The following FBXO40 variants were observed in gnomAD, a reference collection of about 807,000 sequenced individuals.
FBXO40 encodes F-box only protein 40.
FBXO40 carries 50 observed loss-of-function variants against 49.9 expected under a neutral mutation model. The observed-to-expected ratio is 1.00, with a 90% CI of 0.80 to 1.27. FBXO40 has a LOEUF of 1.27. Ranked by LOEUF, FBXO40 falls within the 50% of genes most tolerant of loss-of-function variation. FBXO40 has a pLI of 0.00. For synonymous variants in FBXO40, 340 were observed against 320.2 expected (o/e 1.06, Z -0.66); for missense variants, 895 against 870.1 (o/e 1.03, Z -0.36).
chr3:121,609,355 T>C (rs1452410579), intron 1 of FBXO40, among the ~76,000 whole-genome samples: 1 of 151,524 alleles, frequency 6.6e-6, no homozygotes, highest in African/African-American at 2.4e-5. Context: ...ACGGTAGTAT[T>C]ATCTGAGTTC....
chr3:121,618,964 G>A (rs2049014700), intron 1 of FBXO40, among the ~76,000 whole-genome samples: 1 of 150,442 alleles, frequency 6.6e-6, no homozygotes, highest in African/African-American at 2.5e-5. Flanking sequence ...CAATGAATTG[G>A]CAAATTCTAA....
intron 1 of FBXO40, among the ~76,000 whole-genome samples, chr3:121,605,792 G>T (rs1182835383): frequency 2.6e-5 from 4 of 152,174 alleles, no homozygotes; most frequent in African/African-American, 9.7e-5. Context: ...AGACATCTGT[G>T]CTTTTGTCCA....
chr3:121,627,832 A>G lies in FBXO40; in HGVS notation c.*922A>G, dbSNP rs1289992282. The stretch of plus-strand genomic sequence containing the variant: ...AGCGTCATGCCAGAATGCACAGGGC[A>G]GCCCAGGGAGATCACACCTTTGGCA... On this transcript the variant is annotated 3_prime_UTR_variant, in exon 4 of 4. Coordinates refer to ENST00000338040, the MANE Select transcript of FBXO40 (RefSeq NM_016298.4). 7.5e-6 allele frequency: 3 copies of G among 398,672 alleles called. No individual in the cohort carries two copies. Among genetic ancestry groups the G allele is most frequent in the East Asian group, 7.1e-5 (2 of 28,070 alleles). The allele number at this position is 398,672 out of a possible 1,614,324, so 24.7% of individuals were successfully genotyped here.
chr3:121,603,711 A>C (rs543451833), intron 1 of FBXO40, among the ~76,000 whole-genome samples: 1 of 151,678 alleles, frequency 6.6e-6, no homozygotes, highest in East Asian at 1.9e-4. Flanking sequence ...TTTTTATTTT[A>C]TTTTATTTTT....
chr3:121,598,574 T>C (rs1433203511), intron 1 of FBXO40, among the ~76,000 whole-genome samples: 3 of 152,198 alleles, frequency 2.0e-5, no homozygotes, highest in African/African-American at 7.2e-5. Flanking sequence ...AAGGACCTGG[T>C]GTGTGAACTG....
intron 3 of FBXO40, among the ~76,000 whole-genome samples, chr3:121,626,389 A>G (rs1331376784): frequency 3.3e-5 from 5 of 152,162 alleles, no homozygotes; most frequent in African/African-American, 1.2e-4. Context: ...TTCTGATTTG[A>G]ACTGTGCATC....
At chr3:121,615,121 C>T (rs2048990080) in intron 1 of FBXO40, among the ~76,000 whole-genome samples, 1 of 139,628 alleles carries the variant, frequency 7.2e-6, no homozygotes, top group South Asian at 2.2e-4. Flanking sequence ...AGGAGAATCG[C>T]TTGAATCTGG....
intron 1 of FBXO40, among the ~76,000 whole-genome samples, chr3:121,599,684 A>G (rs1242064443): frequency 6.3e-5 from 5 of 79,864 alleles, no homozygotes; most frequent in African/African-American, 2.1e-4. Context: ...GCACACACAC[A>G]CACACACACA....
chr3:121,627,112 T>C lies in FBXO40; in HGVS notation c.*202T>C, dbSNP rs151169484. On this transcript the variant is annotated 3_prime_UTR_variant, in exon 4 of 4. Coordinates refer to ENST00000338040, the MANE Select transcript of FBXO40 (RefSeq NM_016298.4). ...CCATGTCTTGTACCATAGTGCCACA[T>C]TGATGACTTGTTTCCTTTTTTCTTT... 6.0e-5 allele frequency: 33 copies of C among 550,520 alleles called. No homozygotes were observed. Among genetic ancestry groups the C allele is most frequent in the Admixed American group, 1.6e-4 (5 of 31,044 alleles). The allele number at this position is 550,520 out of a possible 1,614,324, so 34.1% of individuals were successfully genotyped here.
intron 1 of FBXO40, among the ~76,000 whole-genome samples, chr3:121,619,865 C>T (rs546925832): frequency 6.6e-6 from 1 of 152,352 alleles, no homozygotes; most frequent in East Asian, 1.9e-4. Flanking sequence ...TCCCCACTGT[C>T]TCTGGAAAAA....
intron 1 of FBXO40, among the ~76,000 whole-genome samples, chr3:121,612,794 G>A (rs1293245571): frequency 2.6e-5 from 4 of 152,048 alleles, no homozygotes; most frequent in African/African-American, 4.8e-5. Flanking sequence ...TCTCAGCCGG[G>A]CGCGGTGGCT....
intron 1 of FBXO40, among the ~76,000 whole-genome samples, chr3:121,602,882 T>C (rs1008832549): frequency 6.6e-6 from 1 of 152,200 alleles, no homozygotes; most frequent in Non-Finnish European, 1.5e-5. Context: ...CCCAAAGATG[T>C]GTTTCCTGCT....
chr3:121,613,984 T>A lies in FBXO40; in HGVS notation c.-30-6562T>A, dbSNP rs577448989. ...ACTGTCTTTACTAAAAATACAAAAA[T>A]TAGACTGGGCGCAGTGGCTCATGTC... On this transcript the variant is annotated intron_variant, in intron 1 of 3. Transcript: ENST00000338040. 3.3e-5 allele frequency among the ~76,000 whole-genome samples: 5 copies of A among 150,894 alleles called. No individual in the cohort carries two copies. In the South Asian group the frequency reaches 1.0e-3, roughly 32 times the overall value.
intron 1 of FBXO40, among the ~76,000 whole-genome samples, chr3:121,609,503 T>C (rs1047245441): frequency 1.3e-5 from 2 of 151,964 alleles, no homozygotes; most frequent in African/African-American, 2.4e-5. Flanking sequence ...GAGGGAGAAC[T>C]GTCCAGGTTA....
At chr3:121,623,492 G>T (rs777133317) in intron 3 of FBXO40, 149 bp downstream of exon 3, 4 of 650,972 alleles carry the variant, frequency 6.1e-6, no homozygotes, top group Non-Finnish European at 1.0e-5. Context: ...TCTTGCCTCA[G>T]TCTTCCAAGT....
At chr3:121,619,882 C>T (rs2049020855) in intron 1 of FBXO40, among the ~76,000 whole-genome samples, 1 of 152,214 alleles carries the variant, frequency 6.6e-6, no homozygotes, top group African/African-American at 2.4e-5. Context: ...AAAACCAGGT[C>T]TGGCAACACA....
At position 121,627,956 on chromosome 3, in the gene FBXO40, G is replaced by C; in HGVS notation, c.*1046G>C. On this transcript the variant is annotated 3_prime_UTR_variant, in exon 4 of 4. Transcript: ENST00000338040. ...TGGGGTCTTGGAGAGGAAGACATGTGAACATAACGGCTCCCTGAAATTGCT... is the reference window on the plus strand; with the variant it reads ...TGGGGTCTTGGAGAGGAAGACATGTCAACATAACGGCTCCCTGAAATTGCT... 2.5e-6 allele frequency: 1 copy of C among 398,608 alleles called. No individual in the cohort carries two copies. Among genetic ancestry groups the C allele is most frequent in the East Asian group, 3.6e-5 (1 of 28,076 alleles). 24.7% of individuals were successfully genotyped at this position (398,608 alleles called of 1,614,324 possible). A position where few individuals can be genotyped will look rare whatever the true frequency, so the allele number is the denominator to read the frequency against.
intron 1 of FBXO40, among the ~76,000 whole-genome samples, chr3:121,612,594 C>G (rs894307175): frequency 6.6e-6 from 1 of 152,004 alleles, no homozygotes; most frequent in Non-Finnish European, 1.5e-5. Context: ...CATATACAAG[C>G]GTATTTTAAA....
rs1229861756 is a variant in FBXO40 at position 121,621,837 on chromosome 3, C to T, written c.408C>T (p.Val136=). 2 of 1,614,170 alleles carry T rather than the reference C, an allele frequency of 1.2e-6. No homozygotes were observed. Among genetic ancestry groups the T allele is most frequent in the South Asian group, 2.2e-5 (2 of 91,070 alleles). The change falls in exon 3 of 4, where the codon GTC becomes GTT. Residue 136 remains valine (V), a synonymous_variant. Coordinates refer to ENST00000338040, the MANE Select transcript of FBXO40 (RefSeq NM_016298.4). Reference sequence around the variant, plus strand: ...CCCTGGCCCTGCAGGATCAGAAGGTCCTCTTCAGATCCTTGAAAATGGTGG... The same window carrying T: ...CCCTGGCCCTGCAGGATCAGAAGGTTCTCTTCAGATCCTTGAAAATGGTGG... ...DTALALQDQK[V]LFRSLKMVEL...
Sources: gnomAD v4.1 joint callset for allele counts (sites outside exome capture counted in the v4.1 genomes callset) on GRCh38, gnomAD v4.1.1 for gene constraint, MANE v1.5 for transcripts, NCBI Gene and HGNC (gene_info 2026-07-23, HGNC 2026-07-21) for gene names.